The following CARMIL2 variants were observed in gnomAD, a reference collection of about 807,000 sequenced individuals.
CARMIL2 encodes capping protein regulator and myosin 1 linker 2.
A neutral mutation model predicts 173.3 loss-of-function variants in CARMIL2; 96 were observed. The ratio of observed to expected loss-of-function variants is 0.55; its 90% CI spans 0.47 to 0.66. The LOEUF is 0.66. Ranked by LOEUF, CARMIL2 falls within the 30% of genes least tolerant of loss-of-function variation. The probability of loss-of-function intolerance (pLI) is 0.00; values close to 1 mark genes in which losing one functional copy is unlikely to be tolerated. For missense variants in CARMIL2, 1,771 were observed against 1,906.7 expected, an observed-to-expected ratio of 0.93 and a Z score of 1.33; for synonymous variants, 830 against 817.1, an observed-to-expected ratio of 1.02 and a Z score of -0.27.
In CARMIL2 at chr16:67,648,925, C is replaced by CT. The variant is rs1489383257; in HGVS notation, c.1544dup (p.Leu515PhefsTer16). ...CGGCCGGCGCCCAGGTGATACAAGACTTAGTGTGCGACGCAGGCGCTGTGA... is the reference window on the plus strand; with the variant it reads ...CGGCCGGCGCCCAGGTGATACAAGACTTTAGTGTGCGACGCAGGCGCTGTGA... On this transcript the variant is annotated frameshift_variant, in exon 17 of 38. Transcript: ENST00000334583. LOFTEE classifies it high-confidence loss of function. This position sits in a 1 kb window ranked among gnomAD's most constrained non-coding sequence, Gnocchi z 6.1. 1.2e-5 allele frequency: 20 copies of CT among 1,609,408 alleles called. No homozygotes were observed. The highest frequency in any genetic ancestry group is 1.7e-5 in the Non-Finnish European group (20 of 1,178,282).
rs985138381 is a variant in CARMIL2, at chr16:67,648,500, C to A, written c.1437C>A (p.Leu479=). 2 of 1,448,882 alleles carry A rather than the reference C, an allele frequency of 1.4e-6. No individual in the cohort carries two copies. Among genetic ancestry groups the A allele is most frequent in the East Asian group, 2.5e-5 (1 of 39,230 alleles). 89.8% of individuals were successfully genotyped at this position (1,448,882 alleles called of 1,614,324 possible). A position where few individuals can be genotyped will look rare whatever the true frequency, so the allele number is the denominator to read the frequency against. The stretch of plus-strand genomic sequence containing the variant: ...GCTGCAAGCTGCCGCCCGACGCGCT[C>A]AGGTCAGTGTCGGACCCCGGCCACG... ...LAGCKLPPDA[L]RALLDGLALN... is the part of the protein sequence containing the mutation. Residue 479 remains leucine, a splice_region_variant and synonymous_variant, in exon 15 of 38, where the codon CTC becomes CTA. Transcript: ENST00000334583. The surrounding 1 kb of genome is among the most constrained non-coding windows in gnomAD (Gnocchi z 6.1).
rs756618104 is a variant in CARMIL2, at chr16:67,648,233, C to G, written c.1253C>G (p.Pro418Arg). The G allele has an allele frequency of 3.1e-6, 5 of 1,601,904 alleles. No individual in the cohort carries two copies. Among genetic ancestry groups the G allele is most frequent in the Non-Finnish European group, 4.3e-6 (5 of 1,176,014 alleles). ...GCGGGTGTAGCCAACAGCCTCCCCCCGCAGCTCTTCGCAGCGGTATCCCGA... is the reference window on the plus strand; with the variant it reads ...GCGGGTGTAGCCAACAGCCTCCCCCGGCAGCTCTTCGCAGCGGTATCCCGA... ...PPAGVANSLPPQLFAAVSRGC... is the reference protein window; with the variant it reads ...PPAGVANSLPRQLFAAVSRGC... Residue 418 changes from proline to arginine, a missense_variant, in exon 14 of 38, where the codon CCG becomes CGG. This residue lies in a region of CARMIL2 where 944 missense variants were observed against 975.6 expected (regional missense o/e 0.97). Transcript: ENST00000334583. This position sits in a 1 kb window ranked among gnomAD's most constrained non-coding sequence, Gnocchi z 6.1.
rs2052659477 is a variant in CARMIL2 at position 67,648,952 on chromosome 16, C to G, written c.1569C>G (p.Ser523Arg). The change falls in exon 17 of 38, where the codon AGC (serine) becomes AGG (arginine). Residue 523 changes from serine to arginine, a missense_variant. This residue lies in a region of CARMIL2 where 944 missense variants were observed against 975.6 expected (regional missense o/e 0.97). Transcript: ENST00000334583. The surrounding 1 kb of genome is among the most constrained non-coding windows in gnomAD (Gnocchi z 6.1). ...TAGTGTGCGACGCAGGCGCTGTGAG[C>G]TCCCTGGATCTGGCGGATAACGGTG... is the stretch of plus-strand genomic sequence containing the variant. ...QDLVCDAGAV[S>R]SLDLADNGFG... is the part of the protein sequence containing the mutation. 2 of 1,609,748 alleles carry G rather than the reference C, an allele frequency of 1.2e-6. No individual in the cohort carries two copies. Among genetic ancestry groups the G allele is most frequent in the Non-Finnish European group, 8.5e-7 (1 of 1,178,284 alleles).
Position 67,649,012 on chromosome 16 carries a change from T to C in CARMIL2, c.1591+38T>C. On this transcript the variant is annotated intron_variant, in intron 17 of 37. Coordinates refer to ENST00000334583, the MANE Select transcript of CARMIL2 (RefSeq NM_001013838.3). The surrounding 1 kb of genome is among the most constrained non-coding windows in gnomAD (Gnocchi z 6.7). ...GAGAGCCCATCCTCGCATCATCCAC[T>C]CGATTCCCAATCCCCACCCTACCCT... 1.2e-6 allele frequency: 2 copies of C among 1,602,226 alleles called. No homozygotes were observed. The highest frequency in any genetic ancestry group is 1.7e-6 in the Non-Finnish European group (2 of 1,175,000).
Position 67,646,965 on chromosome 16 carries a change from C to A in CARMIL2, c.603C>A (p.Leu201=). 6.2e-7 allele frequency: 1 copy of A among 1,613,244 alleles called. No homozygotes were observed. Among genetic ancestry groups the A allele is most frequent in the Non-Finnish European group, 8.5e-7 (1 of 1,179,724 alleles). ...TCAGCCTGGGAGACTTCAGCCACCT[C>A]GGCAGTCGGTGTGTGGCCTGCCAGG... is the stretch of plus-strand genomic sequence containing the variant. ...RHFSLGDFSH[L]GSRDLALSVA... is the part of the protein sequence containing the mutation. The change falls in exon 8 of 38, where the codon CTC becomes CTA. Residue 201 remains leucine, a synonymous_variant. Coordinates refer to ENST00000334583, the MANE Select transcript of CARMIL2 (RefSeq NM_001013838.3). This position sits in a 1 kb window ranked among gnomAD's most constrained non-coding sequence, Gnocchi z 4.6.
At chr16:67,650,443 C>G in intron 22 of CARMIL2, 2 of 487,410 alleles carry the variant, frequency 4.1e-6, no homozygotes, top group Non-Finnish European at 7.4e-6. Flanking sequence ...TCTGTCCTCA[C>G]ATATACGTGA....
At chr16:67,645,925 C>A in intron 3 of CARMIL2, 93 bp from the exon 4 acceptor site, 2 of 1,573,974 alleles carry the variant, frequency 1.3e-6, no homozygotes, top group Non-Finnish European at 8.7e-7. Context: ...GGAGTCCAGG[C>A]AGATCTGGCT....
chr16:67,648,621 CTTCG>C lies in CARMIL2; in HGVS notation c.1440-59_1440-56del, dbSNP rs2052648527. The C allele has an allele frequency of 6.5e-7, 1 of 1,530,278 alleles. No individual in the cohort carries two copies. Among genetic ancestry groups the C allele is most frequent in the African/African-American group, 1.4e-5 (1 of 72,520 alleles). 94.8% of individuals were successfully genotyped at this position (1,530,278 alleles called of 1,614,324 possible). On this transcript the variant is annotated intron_variant, in intron 15 of 37. Coordinates refer to ENST00000334583, the MANE Select transcript of CARMIL2 (RefSeq NM_001013838.3). The surrounding 1 kb of genome is among the most constrained non-coding windows in gnomAD (Gnocchi z 6.1). ...CTCCCCCAGATCCTGGCCCTGCCTC[CTTCG>C]TTCGCACCCTGGAGCCCCCTGTCCC...
rs749385539 is a variant in CARMIL2 at position 67,649,581 on chromosome 16, G to A, written c.1881G>A (p.Lys627=). ...ACGCCATGGGGGACGCGGGCGCCAA[G>A]TTGCTGGCCAAGGCGCTGCGGGTCA... ...SGNAMGDAGA[K]LLAKALRVNS... Residue 627 remains lysine, a synonymous_variant, in exon 20 of 38, where the codon AAG becomes AAA. Coordinates refer to ENST00000334583, the MANE Select transcript of CARMIL2 (RefSeq NM_001013838.3). The surrounding 1 kb of genome is among the most constrained non-coding windows in gnomAD (Gnocchi z 6.7). 1.9e-6 allele frequency: 3 copies of A among 1,601,196 alleles called. No individual in the cohort carries two copies. Among genetic ancestry groups the A allele is most frequent in the East Asian group, 2.2e-5 (1 of 44,856 alleles).
chr16:67,648,975 G>A lies in CARMIL2; in HGVS notation c.1591+1G>A. 1 of 1,608,210 alleles carries A rather than the reference G, an allele frequency of 6.2e-7. No homozygotes were observed. The highest frequency in any genetic ancestry group is 8.5e-7 in the Non-Finnish European group (1 of 1,177,636). The stretch of plus-strand genomic sequence containing the variant: ...AGCTCCCTGGATCTGGCGGATAACG[G>A]TGAGGCTGCAGGAGAGCCCATCCTC... On this transcript the variant is annotated splice_donor_variant, in intron 17 of 37. Transcript: ENST00000334583. LOFTEE classifies it high-confidence loss of function. This position sits in a 1 kb window ranked among gnomAD's most constrained non-coding sequence, Gnocchi z 6.1.
rs773575883 is a variant in CARMIL2, at chr16:67,647,336, G to GT, written c.726dup (p.Gln243SerfsTer47). Reference sequence around the variant, plus strand: ...TCAGAACAGATTCTGCACATGATGAGTCAGTCATCACACCTGGAGGAGCTG... The same window carrying GT: ...TCAGAACAGATTCTGCACATGATGAGTTCAGTCATCACACCTGGAGGAGCTG... On this transcript the variant is annotated frameshift_variant, in exon 10 of 38. Transcript: ENST00000334583. LOFTEE classifies it high-confidence loss of function. 3 of 1,592,112 alleles carry GT rather than the reference G, an allele frequency of 1.9e-6. No homozygotes were observed. Among genetic ancestry groups the GT allele is most frequent in the Non-Finnish European group, 2.6e-6 (3 of 1,169,362 alleles).
chr16:67,647,455 G>A, intron 10 of CARMIL2, 53 bp from the exon 11 acceptor site: 1 of 1,560,710 alleles, frequency 6.4e-7, no homozygotes, highest in Non-Finnish European at 8.7e-7. Flanking sequence ...TAGTGGCCTG[G>A]GAGGGGTTGG....
rs993506298 is a variant in CARMIL2 at position 67,652,699 on chromosome 16, G to T, written c.2884+161G>T. On this transcript the variant is annotated intron_variant, in intron 28 of 37. Transcript: ENST00000334583. This position sits in a 1 kb window ranked among gnomAD's most constrained non-coding sequence, Gnocchi z 4.7. The stretch of plus-strand genomic sequence containing the variant: ...CCCTTGTGCAACCTGCAAAGCTGGG[G>T]TCTGCTGTGGTCAGCCCGGGGCGGG... Among the ~76,000 whole-genome samples the T allele has an allele frequency of 6.6e-6, 1 of 152,178 alleles. No homozygotes were observed. The highest frequency in any genetic ancestry group is 1.5e-5 in the Non-Finnish European group (1 of 68,012).
rs1291365381 is a variant in CARMIL2, at chr16:67,652,998, C to T, written c.2885-21C>T. The T allele has an allele frequency of 3.2e-6, 4 of 1,240,592 alleles. No homozygotes were observed. Among genetic ancestry groups the T allele is most frequent in the African/African-American group, 1.6e-5 (1 of 60,856 alleles). 76.8% of individuals were successfully genotyped at this position (1,240,592 alleles called of 1,614,324 possible). A position where few individuals can be genotyped will look rare whatever the true frequency, so the allele number is the denominator to read the frequency against. On this transcript the variant is annotated intron_variant, in intron 28 of 37. Transcript: ENST00000334583. The surrounding 1 kb of genome is among the most constrained non-coding windows in gnomAD (Gnocchi z 4.7). Reference sequence around the variant, plus strand: ...CTCCCCGGGCTCGGCGCTCGGTGCTCTTCTGGTGCTGTCCCCTCAGGTGCT... The same window carrying T: ...CTCCCCGGGCTCGGCGCTCGGTGCTTTTCTGGTGCTGTCCCCTCAGGTGCT...
Position 67,648,420 on chromosome 16 carries a change from G to A in CARMIL2, c.1357G>A (p.Ala453Thr), listed in dbSNP as rs766801229. The A allele has an allele frequency of 8.4e-5, 128 of 1,518,762 alleles. 1 individual carries two copies. The South Asian group carries it at 1.4e-3, about 17-fold the overall frequency. The allele number at this position is 1,518,762 out of a possible 1,614,324, so 94.1% of individuals were successfully genotyped here. The part of the protein sequence containing the change: ...SRTKSRAAPA[A>T]LQLFLSRART... ...CAGGAAGTCCCGCGCCGCGCCGGCC[G>A]CGCTGCAGCTCTTCCTCAGCCGCGC... Residue 453 changes from alanine (A) to threonine (T), a missense_variant, in exon 15 of 38, where the codon GCG (alanine) becomes ACG (threonine). Physicochemically the swap from Ala to Thr is moderately conservative, Grantham distance 58. This residue lies in a region of CARMIL2 where 944 missense variants were observed against 975.6 expected (regional missense o/e 0.97). Coordinates refer to ENST00000334583, the MANE Select transcript of CARMIL2 (RefSeq NM_001013838.3). This position sits in a 1 kb window ranked among gnomAD's most constrained non-coding sequence, Gnocchi z 6.1.
In CARMIL2 at chr16:67,648,843, C is replaced by G. The variant is rs775730283; in HGVS notation, c.1510-50C>G. 4.4e-6 allele frequency: 7 copies of G among 1,574,382 alleles called. No individual in the cohort carries two copies. The highest frequency in any genetic ancestry group is 5.2e-6 in the Non-Finnish European group (6 of 1,160,286). On this transcript the variant is annotated intron_variant, in intron 16 of 37. Coordinates refer to ENST00000334583, the MANE Select transcript of CARMIL2 (RefSeq NM_001013838.3). The surrounding 1 kb of genome is among the most constrained non-coding windows in gnomAD (Gnocchi z 6.1). Reference sequence around the variant, plus strand: ...GCCGTGGGCCGCCTGCCCCTCCCCACTCGCGGCCTAAGTGGGTCCCACTTC... The same window carrying G: ...GCCGTGGGCCGCCTGCCCCTCCCCAGTCGCGGCCTAAGTGGGTCCCACTTC...
intron 29 of CARMIL2, 42 bp from the exon 30 acceptor site, chr16:67,654,107 G>A (rs8058230): frequency 9.7e-7 from 1 of 1,035,986 alleles, no homozygotes; most frequent in Non-Finnish European, 1.4e-6. Context: ...AGAAGCCAGA[G>A]TTGCACTCAA....
At position 67,652,519 on chromosome 16, in the gene CARMIL2, C is replaced by T. The variant is rs368438658; in HGVS notation, c.2865C>T (p.His955=). Reference sequence around the variant, plus strand: ...GGCCTGAGCTCAGCCACGGTCTTCACCTGGTCCCCTTCATTCACAGTAAGT... The same window carrying T: ...GGCCTGAGCTCAGCCACGGTCTTCATCTGGTCCCCTTCATTCACAGTAAGT... ...QKWPELSHGL[H]LVPFIHSAAE... Residue 955 remains histidine, a synonymous_variant, in exon 28 of 38, where the codon CAC becomes CAT. Coordinates refer to ENST00000334583, the MANE Select transcript of CARMIL2 (RefSeq NM_001013838.3). The surrounding 1 kb of genome is among the most constrained non-coding windows in gnomAD (Gnocchi z 4.7). 53 of 1,613,444 alleles carry T rather than the reference C, an allele frequency of 3.3e-5. No individual in the cohort carries two copies. The African/African-American group carries it at 5.9e-4, about 18-fold the overall frequency.
At chr16:67,645,356 C>G (rs2052574111) in intron 1 of CARMIL2, 70 bp downstream of exon 1, 2 of 1,519,084 alleles carry the variant, frequency 1.3e-6, no homozygotes, top group East Asian at 4.8e-5. Context: ...GAGGCCCACC[C>G]AGCGCCCCAG....
Sources: allele counts gnomAD v4.1 joint callset (sites outside exome capture counted in the v4.1 genomes callset), GRCh38; gene constraint gnomAD v4.1.1; regional missense constraint gnomAD v4.1.1; non-coding constraint Gnocchi (gnomAD v3.1); transcripts MANE v1.5; gene names NCBI Gene and HGNC (gene_info 2026-07-23, HGNC 2026-07-21).